Variants in FILIP1L observed in about 807,000 individuals in gnomAD.
The protein encoded by FILIP1L is filamin A-interacting protein 1-like.
A neutral mutation model predicts 96.6 loss-of-function variants in FILIP1L; 55 were observed. The ratio of observed to expected loss-of-function variants is 0.57; its 90% CI spans 0.46 to 0.71. The LOEUF is 0.71. Among genes scored for constraint, FILIP1L ranks in the 30% least tolerant of loss-of-function variants. The pLI is 0.00. For missense variants in FILIP1L, 1,304 were observed against 1,321.2 expected, an observed-to-expected ratio of 0.99 and a Z score of 0.20; for synonymous variants, 467 against 473.9, an observed-to-expected ratio of 0.99 and a Z score of 0.19.
chr3:100,066,666 G>A (rs1411387880), intron 1 of FILIP1L, among the ~76,000 whole-genome samples: 2 of 130,366 alleles, frequency 1.5e-5, no homozygotes. Flanking sequence ...CAAGTAGCTG[G>A]GACTACAGGC....
chr3:99,982,290 G>GA (rs1559712847), intron 1 of FILIP1L, among the ~76,000 whole-genome samples: 1 of 151,778 alleles, frequency 6.6e-6, no homozygotes, highest in Admixed American at 6.6e-5. Context: ...TTAATCTGGG[G>GA]CTGTGTATTT....
intron 1 of FILIP1L, among the ~76,000 whole-genome samples, chr3:100,089,176 T>C (rs947347428): frequency 6.6e-6 from 1 of 152,242 alleles, no homozygotes; most frequent in African/African-American, 2.4e-5. Flanking sequence ...ACTTTGCTAA[T>C]ACATTCCAAC....
At chr3:100,014,895 C>CTTTT (rs1233573719) in intron 1 of FILIP1L, among the ~76,000 whole-genome samples, 93 of 25,006 alleles carry the variant, frequency 3.7e-3, no homozygotes, top group African/African-American at 4.4e-3. Context: ...TTCTTTCTTT[C>CTTTT]TTTTTTTTTT....
chr3:99,960,534 C>T (rs1393698397), intron 1 of FILIP1L, among the ~76,000 whole-genome samples: 2 of 152,210 alleles, frequency 1.3e-5, no homozygotes, highest in East Asian at 1.9e-4. Context: ...GTGAAATAAT[C>T]TCCCTCCTCA....
chr3:100,008,426 C>T (rs1335644798), intron 1 of FILIP1L, among the ~76,000 whole-genome samples: 2 of 152,254 alleles, frequency 1.3e-5, no homozygotes, highest in East Asian at 3.9e-4. Context: ...GGGTACCCTT[C>T]ATATAAGTGT....
intron 1 of FILIP1L, among the ~76,000 whole-genome samples, chr3:99,999,831 T>A (rs1042597313): frequency 1.3e-5 from 2 of 152,088 alleles, no homozygotes; most frequent in African/African-American, 2.4e-5. Flanking sequence ...CTGCTAGATT[T>A]AAAAAAACAA....
chr3:99,883,414 C>T (rs915786728), intron 4 of FILIP1L, among the ~76,000 whole-genome samples: 17 of 152,122 alleles, frequency 1.1e-4, no homozygotes, highest in Admixed American at 3.9e-4. Flanking sequence ...CTTTTCACAC[C>T]CTGTGTCCAA....
Position 99,848,832 on chromosome 3 carries a change from G to T in FILIP1L, c.2844C>A (p.Ile948=). The T allele has an allele frequency of 6.2e-7, 1 of 1,614,116 alleles. No individual in the cohort carries two copies. Among genetic ancestry groups the T allele is most frequent in the Non-Finnish European group, 8.5e-7 (1 of 1,180,018 alleles). ...CTGGTGTTATGGAGGCGTTTTGGAG[G>T]ATGGTTATCCTTTGCTTTGGCGTGC... ...NCGTPKQRIT[I]LQNASITPVK... Residue 948 remains isoleucine (I), a synonymous_variant, in exon 5 of 6, where the codon ATC becomes ATA. Transcript: ENST00000477258.
chr3:99,939,882 C>CT (rs1353712964), intron 1 of FILIP1L, among the ~76,000 whole-genome samples: 3 of 152,192 alleles, frequency 2.0e-5, no homozygotes, highest in East Asian at 1.9e-4. Context: ...GGTATTCTGA[C>CT]TTTTTTTTCT....
chr3:99,993,900 G>T (rs567734221), intron 1 of FILIP1L, among the ~76,000 whole-genome samples: 28 of 152,154 alleles, frequency 1.8e-4, no homozygotes, highest in Middle Eastern at 3.4e-3. Context: ...TGATTTTTGT[G>T]TCTATGTTAA....
chr3:99,878,294 A>G (rs1705603047), intron 4 of FILIP1L, among the ~76,000 whole-genome samples: 1 of 152,228 alleles, frequency 6.6e-6, no homozygotes, highest in Admixed American at 6.5e-5. Flanking sequence ...TTAGTGCTCT[A>G]CAAGCATTTC....
At chr3:100,033,433 C>G (rs2065053173) in intron 1 of FILIP1L, among the ~76,000 whole-genome samples, 1 of 152,178 alleles carries the variant, frequency 6.6e-6, no homozygotes, top group South Asian at 2.1e-4. Context: ...AATCACAGCT[C>G]CTAGAGCTTT....
chr3:99,890,589 A>C (rs1706052694), intron 4 of FILIP1L, among the ~76,000 whole-genome samples: 1 of 151,748 alleles, frequency 6.6e-6, no homozygotes. Context: ...ATTTCTTTGA[A>C]TTTTTCTTCC....
At chr3:100,026,939 C>T (rs2064934240) in intron 1 of FILIP1L, among the ~76,000 whole-genome samples, 1 of 152,136 alleles carries the variant, frequency 6.6e-6, no homozygotes, top group African/African-American at 2.4e-5. Flanking sequence ...ACTCTCCGAC[C>T]TCATCTCTGC....
chr3:100,035,902 A>G (rs960823084), intron 1 of FILIP1L, among the ~76,000 whole-genome samples: 1 of 152,168 alleles, frequency 6.6e-6, no homozygotes, highest in African/African-American at 2.4e-5. Flanking sequence ...TGGATGGTCT[A>G]TTATGTGATT....
Position 99,929,856 on chromosome 3 carries a change from C to G in FILIP1L, c.426G>C (p.Glu142Asp). Residue 142 changes from glutamate (E) to aspartate (D), a missense_variant and splice_region_variant, in exon 3 of 6, where the codon GAG (glutamate) becomes GAC (aspartate). Transcript: ENST00000477258. Reference protein sequence around the residue: ...QEDIYEKPMNELDKVVEKHKE... With the variant: ...QEDIYEKPMNDLDKVVEKHKE... ...TACACACCCCTATTGTGGTACATACCTCATTCATTGGTTTCTCATAGATGT... is the reference window on the plus strand; with the variant it reads ...TACACACCCCTATTGTGGTACATACGTCATTCATTGGTTTCTCATAGATGT... The G allele has an allele frequency of 1.2e-6, 2 of 1,610,238 alleles. No individual in the cohort carries two copies. Among genetic ancestry groups the G allele is most frequent in the South Asian group, 2.2e-5 (2 of 90,388 alleles).
intron 1 of FILIP1L, among the ~76,000 whole-genome samples, chr3:100,044,585 A>G (rs2065251570): frequency 6.6e-6 from 1 of 152,204 alleles, no homozygotes; most frequent in Admixed American, 6.5e-5. Context: ...AAGAGAGGGA[A>G]GTAGAAAGAT....
At chr3:100,006,020 A>G (rs1276764722) in intron 1 of FILIP1L, among the ~76,000 whole-genome samples, 1 of 152,172 alleles carries the variant, frequency 6.6e-6, no homozygotes, top group East Asian at 1.9e-4. Context: ...GTAGTTTGAT[A>G]GGAAGTGGGA....
At chr3:99,832,701 C>T (rs1184972259) in intron 5 of FILIP1L, among the ~76,000 whole-genome samples, 2 of 131,782 alleles carry the variant, frequency 1.5e-5, no homozygotes, top group South Asian at 2.6e-4. Context: ...AACAGCCGGG[C>T]GTCGTGGCGC....
Sources: allele counts gnomAD v4.1 joint callset (sites outside exome capture counted in the v4.1 genomes callset), GRCh38; gene constraint gnomAD v4.1.1; transcripts MANE v1.5; gene names NCBI Gene and HGNC (gene_info 2026-07-23, HGNC 2026-07-21).